ZFYVE16: variants seen among roughly 807,000 people sequenced by gnomAD.
ZFYVE16 encodes the protein zinc finger FYVE-type containing 16.
In ZFYVE16, 89 loss-of-function variants were observed where a neutral mutation model predicts 138.1. The ratio of observed to expected loss-of-function variants is 0.64; its 90% CI spans 0.54 to 0.77. The LOEUF (loss-of-function observed/expected upper bound fraction) is 0.77, where lower values mean the gene tolerates loss of function less well. Ranked by LOEUF, ZFYVE16 falls within the 30% of genes least tolerant of loss-of-function variation. The pLI is 0.00. For missense variants in ZFYVE16, 1,793 were observed against 1,786.7 expected (o/e 1.00, Z -0.06); for synonymous variants, 596 against 618.3 (o/e 0.96, Z 0.53).
chr5:80,448,163 A>G lies in ZFYVE16; in HGVS notation c.2862A>G (p.Thr954=). ...VPSVEKLSMN[T]GNEGLPTSGS... ...CAGTGGAAAAATTGTCTATGAACAC[A>G]GGAAATGAGGGGTTACCTACTTCTG... The change falls in exon 8 of 19, where the codon ACA becomes ACG. Residue 954 remains threonine (T), a synonymous_variant. Transcript: ENST00000505560. The G allele has an allele frequency of 6.2e-7, 1 of 1,614,046 alleles. No individual in the cohort carries two copies. Among genetic ancestry groups the G allele is most frequent in the Non-Finnish European group, 8.5e-7 (1 of 1,179,964 alleles).
chr5:80,445,422 A>G lies in ZFYVE16; in HGVS notation c.2724+17A>G, dbSNP rs541008272. ...GTGCCTATGGTAAGGAATTCAAAGA[A>G]TAACTTAATTGACTAAACAAAATTT... On this transcript the variant is annotated intron_variant, in intron 7 of 18. Transcript: ENST00000505560. 1.4e-5 allele frequency: 23 copies of G among 1,604,520 alleles called. No individual in the cohort carries two copies. In the South Asian group the frequency reaches 2.4e-4, roughly 16 times the overall value.
chr5:80,445,998 T>G (rs1024967668), intron 7 of ZFYVE16, among the ~76,000 whole-genome samples: 16 of 151,458 alleles, frequency 1.1e-4, no homozygotes, highest in African/African-American at 3.6e-4. Flanking sequence ...CGGATTCAAG[T>G]GATTCTCCTG....
chr5:80,426,167 G>A (rs1278737666), intron 1 of ZFYVE16, among the ~76,000 whole-genome samples: 4 of 149,898 alleles, frequency 2.7e-5, no homozygotes, highest in South Asian at 2.1e-4. Context: ...AGGGTTCCCC[G>A]GATTGAGATA....
intron 18 of ZFYVE16, among the ~76,000 whole-genome samples, chr5:80,475,783 CCA>C (rs1227431907): frequency 6.6e-6 from 1 of 152,092 alleles, no homozygotes; most frequent in Non-Finnish European, 1.5e-5. Context: ...TTCAGGTTGT[CCA>C]CAATATTTTG....
chr5:80,445,774 T>C (rs982501712), intron 7 of ZFYVE16, among the ~76,000 whole-genome samples: 1 of 151,838 alleles, frequency 6.6e-6, no homozygotes, highest in Admixed American at 6.6e-5. Flanking sequence ...TTTTTTTTTT[T>C]TAGAGATGTG....
intron 11 of ZFYVE16, chr5:80,455,118 T>A (rs1752388020): frequency 6.6e-6 from 1 of 152,228 alleles, no homozygotes; most frequent in African/African-American, 2.4e-5. Context: ...GTCTCAACTT[T>A]CTCATTTATG....
At chr5:80,410,734 C>T (rs1289483958) in intron 1 of ZFYVE16, among the ~76,000 whole-genome samples, 1 of 151,838 alleles carries the variant, frequency 6.6e-6, no homozygotes, top group Non-Finnish European at 1.5e-5. Context: ...CCATGCCCAG[C>T]TAATTTTTGT....
Position 80,480,638 on chromosome 5 carries a change from A to AATT in ZFYVE16, c.*3263_*3264insTAT, listed in dbSNP as rs1755231851. Reference sequence around the variant, plus strand: ...CTAGAAAATCCACACATAGACACATAATAAGGCCAGGTGCAGTGGCTCACA... The same window carrying AATT: ...CTAGAAAATCCACACATAGACACATAATTATAAGGCCAGGTGCAGTGGCTCACA... On this transcript the variant is annotated 3_prime_UTR_variant, in exon 19 of 19. Transcript: ENST00000505560. Among the ~76,000 whole-genome samples, 1 of 152,154 alleles carries AATT rather than the reference A, an allele frequency of 6.6e-6. No individual in the cohort carries two copies. The highest frequency in any genetic ancestry group is 1.5e-5 in the Non-Finnish European group (1 of 68,008).
chr5:80,477,415 T>A lies in ZFYVE16; in HGVS notation c.*38T>A. On this transcript the variant is annotated 3_prime_UTR_variant, in exon 19 of 19. Transcript: ENST00000505560. Reference sequence around the variant, plus strand: ...CCATATTACATATTGCAACCTAATTTGTTAAAACTAACTCCAGCACTAAAG... The same window carrying A: ...CCATATTACATATTGCAACCTAATTAGTTAAAACTAACTCCAGCACTAAAG... The A allele has an allele frequency of 6.4e-7, 1 of 1,572,316 alleles. No homozygotes were observed. Among genetic ancestry groups the A allele is most frequent in the Non-Finnish European group, 8.6e-7 (1 of 1,163,556 alleles).
intron 5 of ZFYVE16, chr5:80,440,636 G>C (rs1217003079): frequency 1.0e-6 from 1 of 966,202 alleles, no homozygotes; most frequent in Non-Finnish European, 1.2e-6. Context: ...CAATATTCTT[G>C]GTGGTCTTTG....
intron 15 of ZFYVE16, among the ~76,000 whole-genome samples, chr5:80,467,957 T>A (rs768065587): frequency 1.1e-4 from 16 of 152,006 alleles, no homozygotes; most frequent in African/African-American, 2.9e-4. Flanking sequence ...AAGAAAAAAA[T>A]ATATATAAAT....
rs779330459 is a variant in ZFYVE16, at chr5:80,477,459, T to C, written c.*82T>C. 3.3e-5 allele frequency: 44 copies of C among 1,314,996 alleles called. No individual in the cohort carries two copies. Among genetic ancestry groups the C allele is most frequent in the Admixed American group, 1.8e-4 (7 of 38,994 alleles). The allele number at this position is 1,314,996 out of a possible 1,614,324, so 81.5% of individuals were successfully genotyped here. A position where few individuals can be genotyped will look rare whatever the true frequency, so the allele number is the denominator to read the frequency against. On this transcript the variant is annotated 3_prime_UTR_variant, in exon 19 of 19. Coordinates refer to ENST00000505560, the MANE Select transcript of ZFYVE16 (RefSeq NM_001284236.3). ...ACTAAAGCTGAAATGCCACAAACAC[T>C]AAAAGTATAAATATGTCTGATTTTT...
intron 3 of ZFYVE16, chr5:80,435,762 A>T: frequency 2.3e-6 from 1 of 436,366 alleles, no homozygotes; most frequent in Non-Finnish European, 4.6e-6. Context: ...TTTTTTACAG[A>T]TGGGGTCTCA....
intron 6 of ZFYVE16, among the ~76,000 whole-genome samples, chr5:80,444,592 T>C (rs1193896223): frequency 1.3e-5 from 2 of 151,986 alleles, no homozygotes; most frequent in Admixed American, 6.6e-5. Context: ...TTGATACATA[T>C]GAATAAAATT....
intron 15 of ZFYVE16, among the ~76,000 whole-genome samples, chr5:80,461,908 G>A (rs1268177542): frequency 2.0e-5 from 3 of 152,124 alleles, no homozygotes; most frequent in South Asian, 2.1e-4. Flanking sequence ...GGAGGTGGAG[G>A]TTGCAGTGAG....
At chr5:80,467,097 C>G (rs1040415479) in intron 15 of ZFYVE16, among the ~76,000 whole-genome samples, 15 of 152,160 alleles carry the variant, frequency 9.9e-5, no homozygotes, top group Non-Finnish European at 8.8e-5. Flanking sequence ...CTTTTCCTGA[C>G]TCTAAGCTTA....
chr5:80,417,963 G>A (rs575825804), intron 1 of ZFYVE16, among the ~76,000 whole-genome samples: 71 of 152,222 alleles, frequency 4.7e-4, no homozygotes, highest in Non-Finnish European at 6.9e-4. Flanking sequence ...CTCTTGTTTG[G>A]CATTGTCACA....
chr5:80,455,853 A>C lies in ZFYVE16; in HGVS notation c.3690+79A>C, dbSNP rs565976386. ...TATTTAGCAAAGTTTATACATTTATATTTTCCTACTTTAATTTGCCATATT... is the reference window on the plus strand; with the variant it reads ...TATTTAGCAAAGTTTATACATTTATCTTTTCCTACTTTAATTTGCCATATT... On this transcript the variant is annotated intron_variant, in intron 12 of 18. Transcript: ENST00000505560. 2.5e-6 allele frequency: 3 copies of C among 1,222,060 alleles called. No individual in the cohort carries two copies. The South Asian group carries it at 4.3e-5, about 17-fold the overall frequency. The allele number at this position is 1,222,060 out of a possible 1,614,324, so 75.7% of individuals were successfully genotyped here. A position where few individuals can be genotyped will look rare whatever the true frequency, so the allele number is the denominator to read the frequency against.
chr5:80,462,167 A>G (rs1416100250), intron 15 of ZFYVE16, among the ~76,000 whole-genome samples: 4 of 152,218 alleles, frequency 2.6e-5, no homozygotes, highest in African/African-American at 4.8e-5. Flanking sequence ...TTTTAAATCA[A>G]TTATGGTAAT....
Sources: gnomAD v4.1 joint callset for allele counts (sites outside exome capture counted in the v4.1 genomes callset) on GRCh38, gnomAD v4.1.1 for gene constraint, MANE v1.5 for transcripts, NCBI Gene and HGNC (gene_info 2026-07-23, HGNC 2026-07-21) for gene names.